The following PDS5B variants were observed in gnomAD, a reference collection of about 807,000 sequenced individuals.
PDS5B encodes the protein PDS5 cohesin associated factor B, also known as sister chromatid cohesion protein PDS5 homolog B.
In PDS5B, 51 loss-of-function variants were observed where a neutral mutation model predicts 184.1. The ratio of observed to expected loss-of-function variants is 0.28; its 90% CI spans 0.22 to 0.35. PDS5B has a LOEUF of 0.35. Among genes scored for constraint, PDS5B ranks in the 10% least tolerant of loss-of-function variants. The probability of loss-of-function intolerance (pLI) is 1.00; values close to 1 mark genes in which losing one functional copy is unlikely to be tolerated. For missense variants in PDS5B, 1,180 were observed against 1,723.3 expected (o/e 0.68, Z 5.58); for synonymous variants, 566 against 569.2 (o/e 0.99, Z 0.08).
intron 1 of PDS5B, among the ~76,000 whole-genome samples, chr13:32,608,733 C>T (rs1471184942): frequency 6.6e-6 from 1 of 152,152 alleles, no homozygotes; most frequent in Non-Finnish European, 1.5e-5. Context: ...CACACTTTAC[C>T]ATGGAACTGC....
At chr13:32,675,283 C>T (rs1951035828) in intron 8 of PDS5B, among the ~76,000 whole-genome samples, 1 of 152,032 alleles carries the variant, frequency 6.6e-6, no homozygotes, top group South Asian at 2.1e-4. Context: ...CTTAGGGTGC[C>T]CCCAATATAA....
At chr13:32,686,114 A>T (rs1277122044) in intron 11 of PDS5B, among the ~76,000 whole-genome samples, 2 of 152,240 alleles carry the variant, frequency 1.3e-5, no homozygotes, top group Non-Finnish European at 2.9e-5. Flanking sequence ...GAAAAAATTA[A>T]TAATCTCTGC....
chr13:32,701,543 G>A (rs1156562390), intron 17 of PDS5B, 105 bp downstream of exon 17: 1 of 656,110 alleles, frequency 1.5e-6, no homozygotes, highest in East Asian at 2.8e-5. Context: ...ACATCTGTGT[G>A]TATTGTGTAC....
intron 19 of PDS5B, among the ~76,000 whole-genome samples, chr13:32,731,767 G>A (rs1384728681): frequency 6.6e-6 from 1 of 152,244 alleles, no homozygotes; most frequent in East Asian, 1.9e-4. Context: ...ACATGTGTAA[G>A]GTGGCAGAAG....
intron 19 of PDS5B, among the ~76,000 whole-genome samples, chr13:32,717,093 G>A (rs1293232987): frequency 6.6e-6 from 1 of 151,318 alleles, no homozygotes; most frequent in Non-Finnish European, 1.5e-5. Flanking sequence ...CGCCCGGCCA[G>A]CCGCCCCGTC....
intron 31 of PDS5B, among the ~76,000 whole-genome samples, chr13:32,768,960 A>C (rs1347695080): frequency 6.7e-6 from 1 of 149,188 alleles, no homozygotes; most frequent in Non-Finnish European, 1.5e-5. Context: ...AAAAAAAAAA[A>C]AAAAAAAAAA....
At chr13:32,635,169 C>CGTTTTT (rs2058522814) in intron 1 of PDS5B, among the ~76,000 whole-genome samples, 2 of 97,266 alleles carry the variant, frequency 2.1e-5, no homozygotes, top group African/African-American at 3.9e-5. Flanking sequence ...CAGCCAATTA[C>CGTTTTT]GTTTTTTTTT....
intron 23 of PDS5B, among the ~76,000 whole-genome samples, chr13:32,744,556 A>G (rs776874103): frequency 6.6e-5 from 10 of 152,224 alleles, no homozygotes; most frequent in Non-Finnish European, 1.3e-4. Context: ...CAACAAAACA[A>G]AAAAAGTTTA....
intron 1 of PDS5B, among the ~76,000 whole-genome samples, chr13:32,640,322 C>A (rs983546755): frequency 6.6e-6 from 1 of 152,248 alleles, no homozygotes; most frequent in Non-Finnish European, 1.5e-5. Flanking sequence ...TCTCAGCTCA[C>A]TGCAACCTCC....
chr13:32,715,339 G>T (rs1427114270), intron 19 of PDS5B, among the ~76,000 whole-genome samples: 1 of 152,098 alleles, frequency 6.6e-6, no homozygotes, highest in Non-Finnish European at 1.5e-5. Flanking sequence ...TTATCATGAG[G>T]TTACCCTGTC....
At chr13:32,664,199 AAT>A (rs1349722028) in intron 6 of PDS5B, among the ~76,000 whole-genome samples, 1 of 152,200 alleles carries the variant, frequency 6.6e-6, no homozygotes. Flanking sequence ...ATATTAGTGG[AAT>A]AAGACAAGAC....
chr13:32,760,101 G>T (rs1418568557), intron 29 of PDS5B, among the ~76,000 whole-genome samples: 1 of 152,044 alleles, frequency 6.6e-6, no homozygotes, highest in Non-Finnish European at 1.5e-5. Flanking sequence ...GACTACAGGT[G>T]CCTGCCACCA....
intron 13 of PDS5B, among the ~76,000 whole-genome samples, chr13:32,693,633 G>A (rs1039650723): frequency 6.7e-6 from 1 of 150,224 alleles, no homozygotes; most frequent in Non-Finnish European, 1.5e-5. Context: ...CTGTAACCAA[G>A]TGTTTCATTA....
intron 1 of PDS5B, among the ~76,000 whole-genome samples, chr13:32,644,196 A>T (rs1478902296): frequency 6.6e-6 from 1 of 152,158 alleles, no homozygotes; most frequent in Non-Finnish European, 1.5e-5. Flanking sequence ...TATGCTTGTT[A>T]TGGATGTCCC....
chr13:32,592,231 C>T lies in PDS5B; in HGVS notation c.-20+5638C>T, dbSNP rs544450316. Among the ~76,000 whole-genome samples the T allele has an allele frequency of 1.1e-4, 16 of 152,180 alleles. 1 individual carries two copies. In the South Asian group the frequency reaches 3.3e-3, roughly 32 times the overall value. ...CTGGACCTGGGTATTTCAAATGCCC[C>T]AGAGATGAGGTGTGCTTAGTTTTTG... On this transcript the variant is annotated intron_variant, in intron 1 of 34. Transcript: ENST00000315596.
chr13:32,629,272 A>G (rs947906370), intron 1 of PDS5B, among the ~76,000 whole-genome samples: 1 of 150,710 alleles, frequency 6.6e-6, no homozygotes, highest in African/African-American at 2.4e-5. Context: ...TTTTTTTTTT[A>G]ACCTTTTCTT....
Position 32,706,991 on chromosome 13 carries a change from G to A in PDS5B, c.1914G>A (p.Glu638=). The A allele has an allele frequency of 6.2e-7, 1 of 1,611,560 alleles. No individual in the cohort carries two copies. Among genetic ancestry groups the A allele is most frequent in the Non-Finnish European group, 8.5e-7 (1 of 1,178,794 alleles). ...SIDGTADDED[E]GVPTDQAIRA... ...ATGGAACAGCAGATGATGAAGATGA[G>A]GGTGTTCCAACTGATCAAGCCATCA... is the stretch of plus-strand genomic sequence containing the variant. Residue 638 remains glutamate (E), a synonymous_variant, in exon 18 of 35, where the codon GAG becomes GAA. Transcript: ENST00000315596.
At chr13:32,646,466 G>A (rs1370100365) in intron 1 of PDS5B, among the ~76,000 whole-genome samples, 1 of 137,884 alleles carries the variant, frequency 7.3e-6, no homozygotes. Context: ...TTCTGTTTTG[G>A]CAACTGAATG....
intron 24 of PDS5B, among the ~76,000 whole-genome samples, chr13:32,750,296 G>A (rs1179392247): frequency 6.6e-6 from 1 of 152,092 alleles, no homozygotes; most frequent in African/African-American, 2.4e-5. Context: ...ACAAAAACCT[G>A]GACTTGATTG....
Sources: gnomAD v4.1 joint callset for allele counts (sites outside exome capture counted in the v4.1 genomes callset) on GRCh38, gnomAD v4.1.1 for gene constraint, MANE v1.5 for transcripts, NCBI Gene and HGNC (gene_info 2026-07-23, HGNC 2026-07-21) for gene names.